Variants in SEC24D observed in about 807,000 individuals in gnomAD.
The protein encoded by SEC24D is SEC24 homolog D, COPII component, also known as protein transport protein Sec24D.
A neutral mutation model predicts 116.9 loss-of-function variants in SEC24D; 69 were observed. The observed-to-expected ratio is 0.59, with a 90% confidence interval of 0.49 to 0.72. SEC24D has a LOEUF of 0.72. Among genes scored for constraint, SEC24D ranks in the 30% least tolerant of loss-of-function variants. SEC24D has a pLI of 0.00. For synonymous variants in SEC24D, 405 were observed against 442.8 expected, an observed-to-expected ratio of 0.91 and a Z score of 1.07; for missense variants, 1,131 against 1,264.1, an observed-to-expected ratio of 0.89 and a Z score of 1.60.
chr4:118,732,941 G>A (rs748409368), intron 19 of SEC24D, 29 bp from the exon 20 acceptor site: 30 of 1,576,984 alleles, frequency 1.9e-5, no homozygotes, highest in African/African-American at 1.2e-4. Flanking sequence ...TGTTTCATAC[G>A]CTTGATCTTT....
At chr4:118,755,464 C>CAAAAAAAAAAAAAAAGA (rs34008479) in intron 11 of SEC24D, among the ~76,000 whole-genome samples, 1 of 85,084 alleles carries the variant, frequency 1.2e-5, no homozygotes, top group Admixed American at 1.3e-4. Flanking sequence ...AACAAACAGA[C>CAAAAAAAAAAAAAAAGA]AAAAAAAAAA....
At chr4:118,816,219 A>T (rs1412683912) in intron 4 of SEC24D, among the ~76,000 whole-genome samples, 1 of 150,704 alleles carries the variant, frequency 6.6e-6, no homozygotes, top group Non-Finnish European at 1.5e-5. Context: ...GTGAGCCACC[A>T]TGCCTGGCCT....
chr4:118,831,152 G>A (rs2110543681), intron 2 of SEC24D, among the ~76,000 whole-genome samples: 1 of 152,180 alleles, frequency 6.6e-6, no homozygotes, highest in Middle Eastern at 3.4e-3. Flanking sequence ...CTCCCAAATA[G>A]CTGAGATTAC....
At chr4:118,804,418 A>G (rs1729580219) in intron 7 of SEC24D, among the ~76,000 whole-genome samples, 2 of 152,194 alleles carry the variant, frequency 1.3e-5, no homozygotes, top group Non-Finnish European at 2.9e-5. Context: ...GTAAAGCAAG[A>G]AACAGGTGGG....
At chr4:118,782,530 C>T (rs1728461733) in intron 8 of SEC24D, among the ~76,000 whole-genome samples, 2 of 152,232 alleles carry the variant, frequency 1.3e-5, no homozygotes, top group Non-Finnish European at 2.9e-5. Context: ...CAGTAGGTGT[C>T]TCCCCAGTTA....
chr4:118,812,010 G>C (rs1729941324), intron 6 of SEC24D, among the ~76,000 whole-genome samples: 2 of 152,064 alleles, frequency 1.3e-5, no homozygotes, highest in Admixed American at 1.3e-4. Flanking sequence ...GACTTGCTTT[G>C]GCCAAGAAAA....
chr4:118,742,883 T>C (rs1726303536), intron 15 of SEC24D, among the ~76,000 whole-genome samples: 1 of 152,260 alleles, frequency 6.6e-6, no homozygotes, highest in East Asian at 1.9e-4. Context: ...CTCTTCTGGG[T>C]CCTCTCCATA....
intron 8 of SEC24D, among the ~76,000 whole-genome samples, chr4:118,780,053 G>A (rs1728326626): frequency 6.6e-6 from 1 of 152,086 alleles, no homozygotes; most frequent in African/African-American, 2.4e-5. Flanking sequence ...CAAAAAACCA[G>A]CTCCTGGATT....
intron 8 of SEC24D, among the ~76,000 whole-genome samples, chr4:118,783,070 G>A (rs573991756): frequency 3.9e-5 from 6 of 152,282 alleles, no homozygotes; most frequent in South Asian, 4.1e-4. Flanking sequence ...CGGGTGAGGC[G>A]ACGCCCCGCC....
At chr4:118,817,753 A>G (rs1676010331) in intron 3 of SEC24D, among the ~76,000 whole-genome samples, 1 of 152,174 alleles carries the variant, frequency 6.6e-6, no homozygotes, top group African/African-American at 2.4e-5. Flanking sequence ...CAAGAAAACA[A>G]TACAGCCAGG....
At chr4:118,811,979 T>C (rs1192610560) in intron 6 of SEC24D, among the ~76,000 whole-genome samples, 1 of 152,198 alleles carries the variant, frequency 6.6e-6, no homozygotes, top group Non-Finnish European at 1.5e-5. Flanking sequence ...AAGTCCATTT[T>C]TGAATCTGAG....
At chr4:118,783,138 G>T (rs978504680) in intron 8 of SEC24D, among the ~76,000 whole-genome samples, 1 of 152,182 alleles carries the variant, frequency 6.6e-6, no homozygotes, top group Non-Finnish European at 1.5e-5. Context: ...CTAATGAGAT[G>T]AACCAGGTAC....
chr4:118,735,641 T>C (rs1725919620), intron 19 of SEC24D: 1 of 152,022 alleles, frequency 6.6e-6, no homozygotes, highest in Admixed American at 6.6e-5. Context: ...TTAGATTTAA[T>C]TAAAAGAATC....
intron 8 of SEC24D, among the ~76,000 whole-genome samples, chr4:118,781,857 T>G (rs1728428250): frequency 6.6e-6 from 1 of 152,210 alleles, no homozygotes; most frequent in Non-Finnish European, 1.5e-5. Context: ...TGATACCCTT[T>G]CTTCCACTTG....
At chr4:118,728,844 CAATT>C (rs1255038099) in intron 21 of SEC24D, 194 bp from the exon 22 acceptor site, 7 of 495,658 alleles carry the variant, frequency 1.4e-5, no homozygotes, top group Non-Finnish European at 2.5e-5. Context: ...TGACAGAAGA[CAATT>C]ATTTCTGTCT....
At chr4:118,817,023 A>G (rs1730179331) in intron 4 of SEC24D, among the ~76,000 whole-genome samples, 3 of 152,162 alleles carry the variant, frequency 2.0e-5, no homozygotes, top group African/African-American at 4.8e-5. Flanking sequence ...TTATTGTTCA[A>G]TCATTGAATG....
At chr4:118,820,177 ATT>A (rs748302677) in intron 3 of SEC24D, among the ~76,000 whole-genome samples, 17 of 127,426 alleles carry the variant, frequency 1.3e-4, no homozygotes, top group African/African-American at 3.1e-4. Flanking sequence ...AATTAGTTTA[ATT>A]TTTTTTTTTT....
At chr4:118,743,698 G>A (rs750983192) in intron 15 of SEC24D, among the ~76,000 whole-genome samples, 4 of 152,082 alleles carry the variant, frequency 2.6e-5, no homozygotes, top group Admixed American at 6.6e-5. Context: ...CAATGTGAAC[G>A]TTATGTAAAT....
chr4:118,781,841 G>A (rs12506576), intron 8 of SEC24D, among the ~76,000 whole-genome samples: 46,434 of 151,656 alleles, frequency 0.31, 8,320 homozygotes, highest in East Asian at 0.45. Flanking sequence ...TTTGATCTTC[G>A]ATCACTGATA....
Sources: gnomAD v4.1 joint callset for allele counts (sites outside exome capture counted in the v4.1 genomes callset) on GRCh38, gnomAD v4.1.1 for gene constraint, MANE v1.5 for transcripts, NCBI Gene and HGNC (gene_info 2026-07-23, HGNC 2026-07-21) for gene names.